The following TENM2 variants were observed in gnomAD, a reference collection of about 807,000 sequenced individuals.
TENM2 encodes the protein teneurin transmembrane protein 2.
Under a neutral mutation model 245.2 loss-of-function variants are expected in TENM2, and 52 were observed. That is an observed-to-expected ratio of 0.21 (90% CI 0.17 to 0.27). TENM2 has a LOEUF of 0.27. TENM2 is among the 10% of genes least tolerant of loss of function. The probability of loss-of-function intolerance (pLI) is 1.00; values close to 1 mark genes in which losing one functional copy is unlikely to be tolerated. For missense variants in TENM2, 3,046 were observed against 3,666.8 expected, an observed-to-expected ratio of 0.83 and a Z score of 4.37; for synonymous variants, 1,363 against 1,438.9, an observed-to-expected ratio of 0.95 and a Z score of 1.19.
chr5:168,245,048 T>A (rs1240851342), intron 26 of TENM2, among the ~76,000 whole-genome samples: 1 of 152,062 alleles, frequency 6.6e-6, no homozygotes, highest in Non-Finnish European at 1.5e-5. Context: ...ATTACAGGTA[T>A]GAGTCACCGC....
At chr5:167,123,664 C>A in the TENM2 span, among the ~76,000 whole-genome samples, 1 of 152,154 alleles carries the variant, frequency 6.6e-6, no homozygotes, top group Non-Finnish European at 1.5e-5. Flanking sequence ...TAAAAATATA[C>A]CTATTTAACT....
chr5:167,989,355 C>G (rs1783499764), intron 4 of TENM2, among the ~76,000 whole-genome samples: 1 of 151,620 alleles, frequency 6.6e-6, no homozygotes. Flanking sequence ...AATAGATTCC[C>G]CAGGTAGGTG....
exon 17 of TENM2, chr5:168,199,965 C>G: frequency 6.2e-7 from 1 of 1,613,978 alleles, no homozygotes; most frequent in Non-Finnish European, 8.5e-7. Context: ...TCACCATGAC[C>G]CAGTCCACAG....
rs147351947 is a variant in TENM2 at position 167,685,168 on chromosome 5, A to G, written c.503-190818A>G. ...TGGTGGAATGTTTGTATCATTGAAT[A>G]TAAGTGCTATTTTTGAAAAGTGACT... On this transcript the variant is annotated intron_variant, in intron 2 of 28. Transcript: ENST00000518659. 2.5e-3 allele frequency among the ~76,000 whole-genome samples: 384 copies of G among 152,346 alleles called. 3 individuals carry two copies. The highest frequency in any genetic ancestry group is 8.0e-3 in the African/African-American group (332 of 41,576).
intron 2 of TENM2, among the ~76,000 whole-genome samples, chr5:167,537,133 T>C (rs1416940400): frequency 6.6e-6 from 1 of 150,966 alleles, no homozygotes; most frequent in African/African-American, 2.4e-5. Context: ...TTGTTGAGGA[T>C]GGGTATGGTG....
intron 2 of TENM2, among the ~76,000 whole-genome samples, chr5:167,576,595 C>A (rs1774706253): frequency 6.6e-6 from 1 of 152,158 alleles, no homozygotes; most frequent in Non-Finnish European, 1.5e-5. Flanking sequence ...CTTAACTGCA[C>A]ATTACTATTC....
intron 2 of TENM2, among the ~76,000 whole-genome samples, chr5:167,430,569 G>A (rs995070432): frequency 2.6e-5 from 4 of 152,086 alleles, no homozygotes; most frequent in Admixed American, 2.0e-4. Flanking sequence ...GCTATTCTCC[G>A]CTGGAAGTGC....
At chr5:168,149,982 A>G (rs1427398512) in intron 12 of TENM2, among the ~76,000 whole-genome samples, 1 of 152,138 alleles carries the variant, frequency 6.6e-6, no homozygotes, top group Non-Finnish European at 1.5e-5. Flanking sequence ...ACAACTTATC[A>G]TCAGGGGCTT....
At chr5:167,880,966 C>G (rs1220536230) in intron 3 of TENM2, among the ~76,000 whole-genome samples, 1 of 152,138 alleles carries the variant, frequency 6.6e-6, no homozygotes, top group Non-Finnish European at 1.5e-5. Context: ...CAGATTCGTC[C>G]TGACAGCCTC....
intron 2 of TENM2, among the ~76,000 whole-genome samples, chr5:167,725,877 C>T (rs1767628228): frequency 6.6e-6 from 1 of 152,204 alleles, no homozygotes; most frequent in Non-Finnish European, 1.5e-5. Context: ...AGCCCCTCCA[C>T]CATTACCAGA....
At chr5:168,151,886 C>T (rs868640838) in intron 12 of TENM2, among the ~76,000 whole-genome samples, 2 of 152,234 alleles carry the variant, frequency 1.3e-5, no homozygotes, top group East Asian at 1.9e-4. Flanking sequence ...GTCCTCACTC[C>T]CTGTTTTCAA....
At chr5:167,407,133 C>T (rs917176473) in intron 2 of TENM2, among the ~76,000 whole-genome samples, 1 of 152,122 alleles carries the variant, frequency 6.6e-6, no homozygotes, top group Admixed American at 6.6e-5. Context: ...GCTTTTGGGA[C>T]ATTCAAGTTC....
At chr5:168,232,677 A>G (rs907980801) in intron 25 of TENM2, among the ~76,000 whole-genome samples, 2 of 152,148 alleles carry the variant, frequency 1.3e-5, no homozygotes, top group Non-Finnish European at 2.9e-5. Flanking sequence ...AAGACCAACA[A>G]TCTCAGTGAA....
chr5:168,066,458 T>A (rs533716943), intron 7 of TENM2, among the ~76,000 whole-genome samples: 171 of 152,322 alleles, frequency 1.1e-3, no homozygotes, highest in African/African-American at 4.0e-3. Flanking sequence ...ATCCTTTTCT[T>A]GAAAATAAAC....
chr5:167,633,495 A>C (rs760489962), intron 2 of TENM2, among the ~76,000 whole-genome samples: 3 of 152,190 alleles, frequency 2.0e-5, no homozygotes, highest in Non-Finnish European at 4.4e-5. Context: ...ATCAGTCAAA[A>C]TATTCTTGAA....
intron 9 of TENM2, among the ~76,000 whole-genome samples, chr5:168,111,122 C>CT (rs1794637683): frequency 6.6e-6 from 1 of 152,246 alleles, no homozygotes; most frequent in South Asian, 2.1e-4. Flanking sequence ...AGCATCCATA[C>CT]TTTCGTGCTT....
At chr5:167,158,934 CCTT>C in the TENM2 span, among the ~76,000 whole-genome samples, 2 of 145,788 alleles carry the variant, frequency 1.4e-5, no homozygotes, top group African/African-American at 5.2e-5. Flanking sequence ...CTCTCTCTCT[CCTT>C]CTTTCTTTCT....
At chr5:167,459,353 C>T (rs1345429557) in intron 2 of TENM2, among the ~76,000 whole-genome samples, 1 of 152,170 alleles carries the variant, frequency 6.6e-6, no homozygotes, top group Admixed American at 6.5e-5. Context: ...AAGAACATCC[C>T]ACTGTAGGTA....
chr5:167,102,770 T>C, the TENM2 span, among the ~76,000 whole-genome samples: 1 of 152,248 alleles, frequency 6.6e-6, no homozygotes, highest in Non-Finnish European at 1.5e-5. Context: ...GCGATTTTCC[T>C]GCCTCAGCCT....
Sources: allele counts gnomAD v4.1 joint callset (sites outside exome capture counted in the v4.1 genomes callset), GRCh38; gene constraint gnomAD v4.1.1; transcripts MANE v1.5; gene names NCBI Gene and HGNC (gene_info 2026-07-23, HGNC 2026-07-21).